Variants in NRG1 observed in about 807,000 individuals in gnomAD.
NRG1 encodes the protein neuregulin 1.
Under a neutral mutation model 63.8 loss-of-function variants are expected in NRG1, and 18 were observed. The ratio of observed to expected loss-of-function variants is 0.28; its 90% CI spans 0.19 to 0.42. The LOEUF (loss-of-function observed/expected upper bound fraction) is 0.42, where lower values mean the gene tolerates loss of function less well. Among genes scored for constraint, NRG1 ranks in the 10% least tolerant of loss-of-function variants. The pLI, the probability that NRG1 is intolerant of heterozygous loss-of-function variation, is 1.00. For missense variants in NRG1, 762 were observed against 814.7 expected (o/e 0.94, Z 0.79); for synonymous variants, 302 against 301.3 (o/e 1.00, Z -0.02).
At chr8:31,689,653 T>C (rs951643170) in intron 1 of NRG1, among the ~76,000 whole-genome samples, 4 of 152,200 alleles carry the variant, frequency 2.6e-5, no homozygotes, top group Non-Finnish European at 5.9e-5. Context: ...TTCTTTAAGA[T>C]GGGGGCTATA....
chr8:32,768,262 T>A (rs564436019), downstream of NRG1, among the ~76,000 whole-genome samples: 1 of 152,350 alleles, frequency 6.6e-6, no homozygotes, highest in South Asian at 2.1e-4. Context: ...CATGACTGCC[T>A]GGATCCTGGC....
At chr8:32,622,743 T>C (rs1201335065) in intron 5 of NRG1, among the ~76,000 whole-genome samples, 3 of 152,142 alleles carry the variant, frequency 2.0e-5, no homozygotes, top group Non-Finnish European at 4.4e-5. Context: ...TTTAAACATA[T>C]ATTGGGAAGT....
intron 1 of NRG1, among the ~76,000 whole-genome samples, chr8:32,171,073 G>A (rs1285325427): frequency 6.6e-6 from 1 of 152,094 alleles, no homozygotes; most frequent in African/African-American, 2.4e-5. Flanking sequence ...TAGCTTGTTG[G>A]GGGGATAGGG....
chr8:32,116,519 G>A (rs548022900), intron 1 of NRG1, among the ~76,000 whole-genome samples: 14 of 152,242 alleles, frequency 9.2e-5, no homozygotes, highest in African/African-American at 3.1e-4. Flanking sequence ...CAAGCCAGGT[G>A]CTTGGACTCT....
intron 1 of NRG1, among the ~76,000 whole-genome samples, chr8:32,130,878 G>T (rs1834720878): frequency 6.6e-6 from 1 of 151,942 alleles, no homozygotes; most frequent in Non-Finnish European, 1.5e-5. Context: ...GGTTGAAAAA[G>T]GATGAGTTTC....
chr8:32,434,696 G>A (rs1326290750), intron 1 of NRG1, among the ~76,000 whole-genome samples: 1 of 151,988 alleles, frequency 6.6e-6, no homozygotes, highest in Non-Finnish European at 1.5e-5. Flanking sequence ...ATAATTTAAA[G>A]AGATTGCCAA....
intron 7 of NRG1, among the ~76,000 whole-genome samples, chr8:32,747,380 A>G (rs1167075072): frequency 1.3e-5 from 2 of 152,126 alleles, no homozygotes; most frequent in African/African-American, 2.4e-5. Context: ...GGAAATGAGT[A>G]AGGAAATTTA....
rs117410200 is a variant in NRG1 at position 32,651,778 on chromosome 8, G to A, written c.502+34893G>A. 7.7e-3 allele frequency among the ~76,000 whole-genome samples: 1,179 copies of A among 152,182 alleles called. 5 individuals are homozygous for A. Among genetic ancestry groups the A allele is most frequent in the Middle Eastern group, 0.024 (7 of 294 alleles). ...CCATAGGATTTCTTTCCTTCTATTT[G>A]AAAGTGCCGTTCATTTAAATTCTAA... On this transcript the variant is annotated intron_variant, in intron 5 of 11. Transcript: ENST00000356819.
downstream of NRG1, among the ~76,000 whole-genome samples, chr8:32,768,331 G>A (rs923184478): frequency 3.3e-5 from 5 of 152,152 alleles, no homozygotes; most frequent in Admixed American, 6.6e-5. Flanking sequence ...AAATGTCAAC[G>A]TGCCATTCAA....
At chr8:31,785,900 C>A (rs1487867261) in intron 1 of NRG1, among the ~76,000 whole-genome samples, 1 of 152,134 alleles carries the variant, frequency 6.6e-6, no homozygotes, top group Non-Finnish European at 1.5e-5. Flanking sequence ...GGTCAGGCCA[C>A]TTCACCTCCC....
chr8:32,720,764 G>A (rs1271254278), intron 5 of NRG1, among the ~76,000 whole-genome samples: 1 of 151,944 alleles, frequency 6.6e-6, no homozygotes, highest in African/African-American at 2.4e-5. Context: ...AGTAGACTTA[G>A]GATGATTAGA....
chr8:32,678,038 A>T (rs1288896452), intron 5 of NRG1, among the ~76,000 whole-genome samples: 3 of 152,208 alleles, frequency 2.0e-5, no homozygotes, highest in Admixed American at 2.0e-4. Context: ...TGGTTTTTCT[A>T]CAATGGTTTT....
At chr8:32,175,202 A>C (rs1284831682) in intron 1 of NRG1, among the ~76,000 whole-genome samples, 1 of 152,222 alleles carries the variant, frequency 6.6e-6, no homozygotes, top group Non-Finnish European at 1.5e-5. Flanking sequence ...AATGTAATCC[A>C]GCATATAAAC....
chr8:31,934,576 T>C (rs1405018387), intron 1 of NRG1, among the ~76,000 whole-genome samples: 4 of 151,716 alleles, frequency 2.6e-5, no homozygotes, highest in South Asian at 2.1e-4. Flanking sequence ...CTTTCTACTA[T>C]ACAAATTTTA....
At chr8:32,009,948 A>C (rs1366769569) in intron 1 of NRG1, among the ~76,000 whole-genome samples, 1 of 135,288 alleles carries the variant, frequency 7.4e-6, no homozygotes, top group Non-Finnish European at 1.5e-5. Context: ...TTCCTTTGTC[A>C]GCTGTGTATT....
rs76141021 is a variant in NRG1, at chr8:32,407,690, G to A, written c.38-188138G>A. On this transcript the variant is annotated intron_variant, in intron 1 of 10. Transcript: ENST00000519301. ...CATATGTCCAACACTGCCATACACA[G>A]CCTCGCTGAAAGTATCAGGCAAAGG... 1.9e-3 allele frequency among the ~76,000 whole-genome samples: 282 copies of A among 152,174 alleles called. 4 individuals are homozygous for A. The East Asian group carries it at 0.02, about 11-fold the overall frequency.
At chr8:32,099,857 A>G (rs1830343959) in intron 1 of NRG1, 1 of 152,272 alleles carries the variant, frequency 6.6e-6, no homozygotes, top group African/African-American at 2.4e-5. Context: ...TCAACTGTAC[A>G]TAGTTGCAGA....
intron 5 of NRG1, among the ~76,000 whole-genome samples, chr8:32,698,273 A>C (rs1394837625): frequency 6.6e-6 from 1 of 152,112 alleles, no homozygotes; most frequent in Non-Finnish European, 1.5e-5. Flanking sequence ...AAGGATAAGG[A>C]GAGAATTGCC....
intron 1 of NRG1, among the ~76,000 whole-genome samples, chr8:32,576,218 C>T (rs1403954895): frequency 6.6e-6 from 1 of 152,168 alleles, no homozygotes; most frequent in African/African-American, 2.4e-5. Context: ...AAATTACTTT[C>T]AGCCCTTAGA....
Sources: allele counts gnomAD v4.1 joint callset (sites outside exome capture counted in the v4.1 genomes callset), GRCh38; gene constraint gnomAD v4.1.1; transcripts MANE v1.5; gene names NCBI Gene and HGNC (gene_info 2026-07-23, HGNC 2026-07-21).